The following AP3S1 variants were observed in gnomAD, a reference collection of about 807,000 sequenced individuals.
AP3S1 encodes the protein AP-3 complex subunit sigma-1.
In AP3S1, 12 loss-of-function variants were observed where a neutral mutation model predicts 21.3. The ratio of observed to expected loss-of-function variants is 0.56; its 90% confidence interval spans 0.36 to 0.91. The LOEUF is 0.91. Among genes scored for constraint, AP3S1 ranks in the 40% least tolerant of loss-of-function variants. AP3S1 has a pLI of 0.01. For synonymous variants in AP3S1, 48 were observed against 78.4 expected, an observed-to-expected ratio of 0.61 and a Z score of 2.05; for missense variants, 116 against 225.0, an observed-to-expected ratio of 0.52 and a Z score of 3.10.
intron 2 of AP3S1, among the ~76,000 whole-genome samples, chr5:115,868,405 A>G (rs1747888523): frequency 6.6e-6 from 1 of 152,180 alleles, no homozygotes; most frequent in Non-Finnish European, 1.5e-5. Flanking sequence ...CAGAATCTTT[A>G]AATTGCATGT....
rs34447523 is a variant in AP3S1, at chr5:115,855,019, ATATCTATCTATCTATC to A, written c.70-11621_70-11606del. Among the ~76,000 whole-genome samples the A allele has an allele frequency of 9.6e-3, 1,418 of 147,538 alleles. 26 individuals carry two copies. Among genetic ancestry groups the A allele is most frequent in the African/African-American group, 0.034 (1,338 of 39,616 alleles). On this transcript the variant is annotated intron_variant, in intron 1 of 5. Coordinates refer to ENST00000316788, the MANE Select transcript of AP3S1 (RefSeq NM_001284.4). Reference sequence around the variant, plus strand: ...GTGTGTGTGTGTATGTATATATTTTATATCTATCTATCTATCTATCTATCTATCTATCTATCTATCT... The same window carrying A: ...GTGTGTGTGTGTATGTATATATTTTATATCTATCTATCTATCTATCTATCT...
At chr5:115,912,213 A>T (rs1047311963) in intron 5 of AP3S1, 5 of 151,974 alleles carry the variant, frequency 3.3e-5, no homozygotes, top group African/African-American at 1.2e-4. Flanking sequence ...AAATTATGAA[A>T]AGGGACCTTA....
In AP3S1 at chr5:115,842,156, G is replaced by C. The variant is rs113920317; in HGVS notation, c.69+50G>C. On this transcript the variant is annotated intron_variant, in intron 1 of 5. Coordinates refer to ENST00000316788, the MANE Select transcript of AP3S1 (RefSeq NM_001284.4). ...CGGGCGAGGGGGAGTCGTTGGCGAC[G>C]GGCAGCGCCCAGCGCGGCTTTCTCA... 1.4e-5 allele frequency: 21 copies of C among 1,521,336 alleles called. 1 individual carries two copies. Among genetic ancestry groups the C allele is most frequent in the South Asian group, 1.4e-4 (11 of 80,484 alleles). 94.2% of individuals were successfully genotyped at this position (1,521,336 alleles called of 1,614,324 possible).
intron 3 of AP3S1, among the ~76,000 whole-genome samples, chr5:115,884,827 T>C (rs755752590): frequency 2.6e-5 from 4 of 152,184 alleles, no homozygotes; most frequent in Non-Finnish European, 4.4e-5. Context: ...CATTTTTTTT[T>C]CCTAGTTTCT....
At chr5:115,888,296 T>C (rs1749972607) in intron 3 of AP3S1, among the ~76,000 whole-genome samples, 1 of 152,144 alleles carries the variant, frequency 6.6e-6, no homozygotes, top group South Asian at 2.1e-4. Context: ...ACAGCAATTT[T>C]TTTATTGTTG....
chr5:115,899,296 A>G (rs1751018782), intron 4 of AP3S1, among the ~76,000 whole-genome samples: 1 of 152,180 alleles, frequency 6.6e-6, no homozygotes, highest in Admixed American at 6.5e-5. Context: ...AGCCATTAAT[A>G]ACATCTTGGA....
intron 5 of AP3S1, chr5:115,906,811 T>C: frequency 3.3e-6 from 5 of 1,501,882 alleles, no homozygotes; most frequent in Non-Finnish European, 4.4e-6. Flanking sequence ...TCCATTCTTC[T>C]CTCTTACAGA....
intron 1 of AP3S1, among the ~76,000 whole-genome samples, chr5:115,842,930 G>T (rs1353299127): frequency 6.6e-6 from 1 of 152,152 alleles, no homozygotes; most frequent in Non-Finnish European, 1.5e-5. Context: ...ATGGGAATTT[G>T]CCCTCATTTA....
At position 115,885,569 on chromosome 5, in the gene AP3S1, C is replaced by T. The variant is rs116375717; in HGVS notation, c.274-9518C>T. ...TCTTTTGCCTGCTTTGTTCTAGCCA[C>T]GCTGGCAGCCAGTTGGATGGTGCCC... On this transcript the variant is annotated intron_variant, in intron 3 of 5. Coordinates refer to ENST00000316788, the MANE Select transcript of AP3S1 (RefSeq NM_001284.4). Among the ~76,000 whole-genome samples the T allele has an allele frequency of 6.2e-3, 943 of 152,290 alleles. 19 individuals carry two copies. Among genetic ancestry groups the T allele is most frequent in the Non-Finnish European group, 9.1e-3 (622 of 68,030 alleles).
At chr5:115,904,621 G>A (rs1433362517) in intron 5 of AP3S1, among the ~76,000 whole-genome samples, 4 of 151,996 alleles carry the variant, frequency 2.6e-5, no homozygotes, top group African/African-American at 7.3e-5. Context: ...TTTTGAAAGT[G>A]GAAAACATAA....
chr5:115,843,415 A>C (rs1001329317), intron 1 of AP3S1, among the ~76,000 whole-genome samples: 2 of 152,238 alleles, frequency 1.3e-5, no homozygotes, highest in African/African-American at 4.8e-5. Context: ...TTTGCTAGCT[A>C]TAAAGAATAT....
At chr5:115,892,534 T>TA (rs1750400190) in intron 3 of AP3S1, among the ~76,000 whole-genome samples, 1 of 152,174 alleles carries the variant, frequency 6.6e-6, no homozygotes. Context: ...ATCTTTATGT[T>TA]AAGTGAAAGA....
At chr5:115,852,665 T>C (rs575198689) in intron 1 of AP3S1, among the ~76,000 whole-genome samples, 1 of 152,260 alleles carries the variant, frequency 6.6e-6, no homozygotes, top group East Asian at 1.9e-4. Context: ...ATCTGTTTTG[T>C]TTCCTTAGAT....
At position 115,850,820 on chromosome 5, in the gene AP3S1, T is replaced by C. The variant is rs376156479; in HGVS notation, c.69+8714T>C. Among the ~76,000 whole-genome samples, 75 of 152,302 alleles carry C rather than the reference T, an allele frequency of 4.9e-4. No homozygotes were observed. In the South Asian group the frequency reaches 0.015, roughly 31 times the overall value. On this transcript the variant is annotated intron_variant, in intron 1 of 5. Coordinates refer to ENST00000316788, the MANE Select transcript of AP3S1 (RefSeq NM_001284.4). ...TTGAGCCAAAATGAGAACAGTTGCC[T>C]GGGAGACTCAGACTCAAGTATCCTT...
At chr5:115,897,592 C>T (rs895333584) in intron 4 of AP3S1, among the ~76,000 whole-genome samples, 2 of 151,518 alleles carry the variant, frequency 1.3e-5, no homozygotes, top group East Asian at 1.9e-4. Context: ...GATGGAGTCT[C>T]GCTCTGTCAC....
intron 4 of AP3S1, among the ~76,000 whole-genome samples, chr5:115,898,294 C>T (rs570223792): frequency 6.6e-6 from 1 of 152,156 alleles, no homozygotes; most frequent in African/African-American, 2.4e-5. Flanking sequence ...TCTATGTGGC[C>T]AGCTGCCCAA....
chr5:115,876,849 A>G (rs1161764406), intron 3 of AP3S1, among the ~76,000 whole-genome samples: 2 of 152,162 alleles, frequency 1.3e-5, no homozygotes, highest in East Asian at 1.9e-4. Context: ...AAATAATGTT[A>G]TGTCCATAGT....
intron 1 of AP3S1, among the ~76,000 whole-genome samples, chr5:115,862,856 TATC>T (rs1215142257): frequency 2.6e-5 from 4 of 152,196 alleles, no homozygotes; most frequent in African/African-American, 7.2e-5. Context: ...AGCAGAGAAA[TATC>T]ATGACGCTAC....
At chr5:115,864,261 T>A (rs1029618820) in intron 1 of AP3S1, among the ~76,000 whole-genome samples, 2 of 152,184 alleles carry the variant, frequency 1.3e-5, no homozygotes, top group Non-Finnish European at 2.9e-5. Context: ...CCATAGATAC[T>A]TTGTTCCTGA....
Sources: allele counts gnomAD v4.1 joint callset (sites outside exome capture counted in the v4.1 genomes callset), GRCh38; gene constraint gnomAD v4.1.1; transcripts MANE v1.5; gene names NCBI Gene and HGNC (gene_info 2026-07-23, HGNC 2026-07-21).